The following ZNF564 variants were observed in gnomAD, a reference collection of about 807,000 sequenced individuals.
ZNF564 encodes zinc finger protein 564.
A neutral mutation model predicts 10.5 loss-of-function variants in ZNF564; 5 were observed. The observed-to-expected ratio is 0.48, with a 90% confidence interval of 0.25 to 1.00. The LOEUF is 1.00. ZNF564 is among the 50% of genes least tolerant of loss of function. The pLI is 0.16. For missense variants in ZNF564, 603 were observed against 669.7 expected (o/e 0.90, Z 1.10); for synonymous variants, 242 against 218.1 (o/e 1.11, Z -0.97).
At chr19:12,546,143 T>C (rs1278293358) in intron 1 of ZNF564, among the ~76,000 whole-genome samples, 1 of 152,106 alleles carries the variant, frequency 6.6e-6, no homozygotes, top group African/African-American at 2.4e-5. Context: ...GCAAATACAC[T>C]CGTAAATTCA....
Position 12,532,651 on chromosome 19 carries a change from G to C in ZNF564, c.4-3955C>G, listed in dbSNP as rs190562071. Among the ~76,000 whole-genome samples, 506 of 151,190 alleles carry C rather than the reference G, an allele frequency of 3.3e-3. 1 individual carries two copies. Among genetic ancestry groups the C allele is most frequent in the African/African-American group, 0.012 (480 of 41,174 alleles). On this transcript the variant is annotated intron_variant, in intron 1 of 3. Transcript: ENST00000339282. ...GCAGGTAGATTGCTGCAGCCTGGGAGTTCAAGGCTGCAAAGAGCTATATGA... is the reference window on the plus strand; with the variant it reads ...GCAGGTAGATTGCTGCAGCCTGGGACTTCAAGGCTGCAAAGAGCTATATGA...
rs968457577 is a variant in ZNF564, at chr19:12,551,259, C to T, written c.3+71G>A. ...TCGCTGCAGGGAGGCCAGGGTGCTT[C>T]CACAGCCGGTTCCGGCCGGTTCCCA... On this transcript the variant is annotated intron_variant, in intron 1 of 3. Transcript: ENST00000339282. The T allele has an allele frequency of 3.2e-6, 5 of 1,546,236 alleles. No individual in the cohort carries two copies. The African/African-American group carries it at 6.8e-5, about 21-fold the overall frequency.
At chr19:12,546,288 T>C (rs1445184562) in intron 1 of ZNF564, among the ~76,000 whole-genome samples, 1 of 152,188 alleles carries the variant, frequency 6.6e-6, no homozygotes, top group East Asian at 1.9e-4. Flanking sequence ...ATGTTGAATT[T>C]TACCCAAGCT....
chr19:12,526,789 A>AT lies in ZNF564; in HGVS notation c.1318dup (p.Met440AsnfsTer11). 6.2e-7 allele frequency: 1 copy of AT among 1,613,948 alleles called. No homozygotes were observed. Among genetic ancestry groups the AT allele is most frequent in the Non-Finnish European group, 8.5e-7 (1 of 1,179,970 alleles). ...AGGTCCATCTCCAGTGTGCAGTATC[A>AT]TATGTTTTCTAATCCTTTTAAGAGA... On this transcript the variant is annotated frameshift_variant, in exon 4 of 4. Coordinates refer to ENST00000339282, the MANE Select transcript of ZNF564 (RefSeq NM_144976.4). LOFTEE classifies it low-confidence loss of function (END_TRUNC).
intron 1 of ZNF564, chr19:12,548,175 T>A (rs901828425): frequency 2.0e-6 from 2 of 983,272 alleles, no homozygotes; most frequent in African/African-American, 1.7e-5. Context: ...AAACTTACCA[T>A]TTATGTATAT....
chr19:12,526,756 C>T lies in ZNF564; in HGVS notation c.1352G>A (p.Cys451Tyr), dbSNP rs778413749. The change falls in exon 4 of 4, where the codon TGT becomes TAT. Residue 451 changes from cysteine to tyrosine, a missense_variant. Cys to Tyr is a radical substitution (Grantham distance 194). Coordinates refer to ENST00000339282, the MANE Select transcript of ZNF564 (RefSeq NM_144976.4). The part of the protein sequence containing the change: ...ILHTGDGPYK[C>Y]QVCGKAFDCP... ...GTCAAAGGCTTTACCACATACCTGA[C>T]ATTTATAAGGTCCATCTCCAGTGTG... The T allele has an allele frequency of 6.2e-7, 1 of 1,614,180 alleles. No individual in the cohort carries two copies. The highest frequency in any genetic ancestry group is 1.7e-5 in the Admixed American group (1 of 60,006).
rs1054676362 is a variant in ZNF564 at position 12,527,842 on chromosome 19, T to A, written c.266A>T (p.Asn89Ile). The change falls in exon 4 of 4, where the codon AAT (asparagine) becomes ATT (isoleucine). Residue 89 changes from asparagine to isoleucine, a missense_variant. Coordinates refer to ENST00000339282, the MANE Select transcript of ZNF564 (RefSeq NM_144976.4). ...AGGAATTTTCTTGTTCAGATTAAGA[T>A]TGAGAATCTGACTGAAGGCTTCTCC... The part of the protein sequence containing the change: ...QCGEAFSQIL[N>I]LNLNKKIPTI... 2 of 1,613,838 alleles carry A rather than the reference T, an allele frequency of 1.2e-6. No individual in the cohort carries two copies. Among genetic ancestry groups the A allele is most frequent in the South Asian group, 2.2e-5 (2 of 91,060 alleles).
Position 12,531,934 on chromosome 19 carries a change from A to C in ZNF564, c.4-3238T>G, listed in dbSNP as rs1369325596. On this transcript the variant is annotated intron_variant, in intron 1 of 3. Transcript: ENST00000339282. ...TGTTGGCTAAAAGGAAACCACTTTA[A>C]ATACAAAGACACACATATTAAAAGT... is the stretch of plus-strand genomic sequence containing the variant. Among the ~76,000 whole-genome samples the C allele has an allele frequency of 3.3e-5, 5 of 152,226 alleles. No homozygotes were observed. In the East Asian group the frequency reaches 9.6e-4, roughly 29 times the overall value.
At chr19:12,532,859 T>C (rs1407690347) in intron 1 of ZNF564, 1 of 152,154 alleles carries the variant, frequency 6.6e-6, no homozygotes, top group Admixed American at 6.6e-5. Context: ...GCAAAATACA[T>C]GTGGCAAAAT....
At position 12,551,326 on chromosome 19, in the gene ZNF564, G is replaced by T; in HGVS notation, c.3+4C>A. On this transcript the variant is annotated splice_donor_region_variant and intron_variant, in intron 1 of 3. Coordinates refer to ENST00000339282, the MANE Select transcript of ZNF564 (RefSeq NM_144976.4). ...TCTCCAGGCGCCCGGCCCCGCACAC[G>T]CACCATTTCCTGGCTTCCAGGGTGT... is the stretch of plus-strand genomic sequence containing the variant. The T allele has an allele frequency of 3.1e-6, 5 of 1,607,650 alleles. No homozygotes were observed. The highest frequency in any genetic ancestry group is 3.4e-6 in the Non-Finnish European group (4 of 1,177,272).
chr19:12,544,626 C>T (rs2022117359), intron 1 of ZNF564, among the ~76,000 whole-genome samples: 1 of 152,144 alleles, frequency 6.6e-6, no homozygotes, highest in Admixed American at 6.6e-5. Flanking sequence ...ACTGACCCTA[C>T]ACAAGGAATG....
chr19:12,529,072 C>CAAACAAAAAACA (rs1005081929), intron 1 of ZNF564, among the ~76,000 whole-genome samples: 2 of 151,926 alleles, frequency 1.3e-5, no homozygotes, highest in African/African-American at 4.8e-5. Flanking sequence ...CTCAAACAAA[C>CAAACAAAAAACA]AAACAAAAAA....
intron 1 of ZNF564, chr19:12,541,275 G>A (rs2022045078): frequency 6.6e-6 from 1 of 151,896 alleles, no homozygotes; most frequent in Admixed American, 6.6e-5. Flanking sequence ...TAGCTAGGCA[G>A]GGTGGCTCAC....
chr19:12,543,193 T>G (rs1462091811), intron 1 of ZNF564, among the ~76,000 whole-genome samples: 1 of 151,296 alleles, frequency 6.6e-6, no homozygotes, highest in South Asian at 2.1e-4. Context: ...TCCCAGCTAC[T>G]CAGGAGGCTG....
At chr19:12,537,895 G>C (rs1182098793) in intron 1 of ZNF564, among the ~76,000 whole-genome samples, 1 of 152,086 alleles carries the variant, frequency 6.6e-6, no homozygotes, top group Non-Finnish European at 1.5e-5. Flanking sequence ...GTGCGTGTGT[G>C]GGGTGGGGGA....
chr19:12,538,326 T>C (rs1048591395), intron 1 of ZNF564, among the ~76,000 whole-genome samples: 1 of 151,020 alleles, frequency 6.6e-6, no homozygotes, highest in African/African-American at 2.4e-5. Context: ...CCTGTCTCTA[T>C]TAAAAAAAAA....
chr19:12,551,313 C>A lies in ZNF564; in HGVS notation c.3+17G>T. On this transcript the variant is annotated intron_variant, in intron 1 of 3. Coordinates refer to ENST00000339282, the MANE Select transcript of ZNF564 (RefSeq NM_144976.4). The stretch of plus-strand genomic sequence containing the variant: ...GCCCCTCCCCCAGTCTCCAGGCGCC[C>A]GGCCCCGCACACGCACCATTTCCTG... 6.2e-6 allele frequency: 10 copies of A among 1,606,328 alleles called. No individual in the cohort carries two copies. The highest frequency in any genetic ancestry group is 1.7e-5 in the Admixed American group (1 of 59,066).
intron 1 of ZNF564, among the ~76,000 whole-genome samples, chr19:12,542,607 G>GA (rs199755184): frequency 0.012 from 1,747 of 150,332 alleles, 32 homozygotes; most frequent in African/African-American, 0.041. Context: ...GGTGACATAG[G>GA]GGGACCATCT....
chr19:12,547,729 TTGC>T (rs1416313072), intron 1 of ZNF564, among the ~76,000 whole-genome samples: 1 of 152,030 alleles, frequency 6.6e-6, no homozygotes, highest in Admixed American at 6.6e-5. Flanking sequence ...TGACCTCCCT[TTGC>T]AGGCTCTTAG....
Sources: allele counts gnomAD v4.1 joint callset (sites outside exome capture counted in the v4.1 genomes callset), GRCh38; gene constraint gnomAD v4.1.1; transcripts MANE v1.5; gene names NCBI Gene and HGNC (gene_info 2026-07-23, HGNC 2026-07-21).